ABRAXAS1: variants seen among roughly 807,000 people sequenced by gnomAD.
ABRAXAS1 encodes abraxas 1, BRCA1 A complex subunit, also known as BRCA1-A complex subunit Abraxas 1.
A neutral mutation model predicts 38.4 loss-of-function variants in ABRAXAS1; 26 were observed. The ratio of observed to expected loss-of-function variants is 0.68; its 90% CI spans 0.50 to 0.94. ABRAXAS1 has a LOEUF of 0.94. ABRAXAS1 is among the 40% of genes least tolerant of loss of function. ABRAXAS1 has a pLI of 0.00. For synonymous variants in ABRAXAS1, 144 were observed against 165.5 expected (o/e 0.87, Z 1.00); for missense variants, 438 against 481.9 (o/e 0.91, Z 0.85).
At chr4:83,478,353 TGGCTTTGGCGTG>T (rs1426949467) in intron 2 of ABRAXAS1, 30 of 596,232 alleles carry the variant, frequency 5.0e-5, no homozygotes, top group Middle Eastern at 2.9e-4. Context: ...TTGGCCAAAC[TGGCTTTGGCGTG>T]GACCCTGGAA....
chr4:83,469,316 GTTTTT>G, intron 5 of ABRAXAS1, 165 bp from the exon 6 acceptor site: 3 of 474,162 alleles, frequency 6.3e-6, no homozygotes, highest in Non-Finnish European at 1.1e-5. Context: ...TGAAACAACT[GTTTTT>G]TTTTTTTTTT....
At chr4:83,463,325 C>G (rs1722215935) in intron 8 of ABRAXAS1, among the ~76,000 whole-genome samples, 169 bp downstream of exon 8, 1 of 152,146 alleles carries the variant, frequency 6.6e-6, no homozygotes, top group Non-Finnish European at 1.5e-5. Context: ...CCCAGCGTTT[C>G]AGGAGGCTGA....
At position 83,459,986 on chromosome 4, in the gene ABRAXAS1, T is replaced by C; in HGVS notation, c.*2483A>G. 1 of 479,756 alleles carries C rather than the reference T, an allele frequency of 2.1e-6. No individual in the cohort carries two copies. The highest frequency in any genetic ancestry group is 3.7e-6 in the Non-Finnish European group (1 of 273,554). 29.7% of individuals were successfully genotyped at this position (479,756 alleles called of 1,614,324 possible). On this transcript the variant is annotated 3_prime_UTR_variant, in exon 9 of 9. Coordinates refer to ENST00000321945, the MANE Select transcript of ABRAXAS1 (RefSeq NM_139076.3). The stretch of plus-strand genomic sequence containing the variant: ...AGAGGATTATTATTTTGCTGTCTTA[T>C]GCAGAGTTAACTATATAGAAAAACT...
At chr4:83,481,262 CATAT>C (rs1473109775) in intron 2 of ABRAXAS1, among the ~76,000 whole-genome samples, 1 of 152,248 alleles carries the variant, frequency 6.6e-6, no homozygotes, top group Middle Eastern at 3.4e-3. Flanking sequence ...AATACATACA[CATAT>C]ATAGAGAAAA....
intron 1 of ABRAXAS1, among the ~76,000 whole-genome samples, chr4:83,483,008 G>T (rs1216037647): frequency 6.6e-6 from 1 of 152,192 alleles, no homozygotes. Context: ...GACTACTCTG[G>T]ATTTAACCAC....
intron 3 of ABRAXAS1, 95 bp from the exon 4 acceptor site, chr4:83,472,383 C>G (rs989560844): frequency 4.5e-6 from 3 of 664,822 alleles, no homozygotes; most frequent in Non-Finnish European, 4.8e-6. Context: ...ACCCAACTAC[C>G]AAAGCCCATA....
At position 83,462,882 on chromosome 4, in the gene ABRAXAS1, CTTTTTGGATGTT is replaced by C; in HGVS notation, c.805_816del (p.Asn269_Lys272del). 1 of 1,582,428 alleles carries C rather than the reference CTTTTTGGATGTT, an allele frequency of 6.3e-7. No individual in the cohort carries two copies. Among genetic ancestry groups the C allele is most frequent in the Non-Finnish European group, 8.6e-7 (1 of 1,167,324 alleles). On this transcript the variant is annotated inframe_deletion, in exon 9 of 9. Transcript: ENST00000321945. ...CAAAGAAAAATGTTCTCCTGAGGGT[CTTTTTGGATGTT>C]CTTCTCTCCTAAACAAAATAGAATA... is the stretch of plus-strand genomic sequence containing the variant.
At chr4:83,464,840 G>A (rs1211962370) in intron 7 of ABRAXAS1, among the ~76,000 whole-genome samples, 3 of 152,204 alleles carry the variant, frequency 2.0e-5, no homozygotes, top group African/African-American at 7.2e-5. Context: ...GGATAGCAAT[G>A]TGCAGACACA....
chr4:83,460,866 A>G lies in ABRAXAS1; in HGVS notation c.*1603T>C. 1.1e-6 allele frequency: 1 copy of G among 901,742 alleles called. No homozygotes were observed. The highest frequency in any genetic ancestry group is 1.7e-6 in the Non-Finnish European group (1 of 571,876). The allele number at this position is 901,742 out of a possible 1,614,324, so 55.9% of individuals were successfully genotyped here. A position where few individuals can be genotyped will look rare whatever the true frequency, so the allele number is the denominator to read the frequency against. ...GGTTGCAGTGAGGCGAGAGAGCACCACTGTACTCCAGCCTGGGTGACACAG... is the reference window on the plus strand; with the variant it reads ...GGTTGCAGTGAGGCGAGAGAGCACCGCTGTACTCCAGCCTGGGTGACACAG... On this transcript the variant is annotated 3_prime_UTR_variant, in exon 9 of 9. Coordinates refer to ENST00000321945, the MANE Select transcript of ABRAXAS1 (RefSeq NM_139076.3).
In ABRAXAS1 at chr4:83,484,918, C is replaced by G. The variant is rs1265706989; in HGVS notation, c.87+68G>C. On this transcript the variant is annotated intron_variant, in intron 1 of 8. Coordinates refer to ENST00000321945, the MANE Select transcript of ABRAXAS1 (RefSeq NM_139076.3). ...GAGCGGGCGGGGACCGGAGCAACAG[C>G]GGGGAGGCAGGCCGCGCGCAGGGCT... 1.4e-5 allele frequency: 19 copies of G among 1,365,260 alleles called. 1 individual carries two copies. Among genetic ancestry groups the G allele is most frequent in the Admixed American group, 4.4e-5 (2 of 45,686 alleles). 84.6% of individuals were successfully genotyped at this position (1,365,260 alleles called of 1,614,324 possible).
rs139863124 is a variant in ABRAXAS1, at chr4:83,484,938, A to AG, written c.87+47dup. On this transcript the variant is annotated intron_variant, in intron 1 of 8. Transcript: ENST00000321945. ...AACAGCGGGGAGGCAGGCCGCGCGCAGGGCTCTTCCCAGGCGACGCCGGAC... is the reference window on the plus strand; with the variant it reads ...AACAGCGGGGAGGCAGGCCGCGCGCAGGGGCTCTTCCCAGGCGACGCCGGAC... 0.024 allele frequency: 35,013 copies of AG among 1,475,570 alleles called. 1,933 individuals carry two copies. The highest frequency in any genetic ancestry group is 0.23 in the East Asian group (8,680 of 37,368). 91.4% of individuals were successfully genotyped at this position (1,475,570 alleles called of 1,614,324 possible).
At chr4:83,462,939 T>C (rs1722195465) in intron 8 of ABRAXAS1, 37 bp from the exon 9 acceptor site, 1 of 1,355,640 alleles carries the variant, frequency 7.4e-7, no homozygotes. Context: ...CATATAACAT[T>C]TCTTCTACAA....
chr4:83,470,488 G>A, intron 4 of ABRAXAS1, 92 bp from the exon 5 acceptor site: 2 of 910,022 alleles, frequency 2.2e-6, no homozygotes, highest in South Asian at 2.3e-5. Flanking sequence ...CCTTAAAATG[G>A]CTTTCTTAAT....
At chr4:83,483,946 G>C in intron 1 of ABRAXAS1, 1 of 793,556 alleles carries the variant, frequency 1.3e-6, no homozygotes, top group Non-Finnish European at 1.5e-6. Context: ...TTCTTTATTA[G>C]GTATTACTTT....
In ABRAXAS1 at chr4:83,459,806, T is replaced by C. The variant is rs1184444280; in HGVS notation, c.*2663A>G. 6.4e-7 allele frequency: 1 copy of C among 1,568,212 alleles called. No individual in the cohort carries two copies. Among genetic ancestry groups the C allele is most frequent in the South Asian group, 1.2e-5 (1 of 86,496 alleles). ...TGGAAGGCACATTACAGGTATGTTCTTTTTTATTATGGGAATATAAATGTA... is the reference window on the plus strand; with the variant it reads ...TGGAAGGCACATTACAGGTATGTTCCTTTTTATTATGGGAATATAAATGTA... On this transcript the variant is annotated 3_prime_UTR_variant, in exon 9 of 9. Coordinates refer to ENST00000321945, the MANE Select transcript of ABRAXAS1 (RefSeq NM_139076.3).
At chr4:83,474,744 C>T (rs1329086858) in intron 3 of ABRAXAS1, among the ~76,000 whole-genome samples, 2 of 151,512 alleles carry the variant, frequency 1.3e-5, no homozygotes, top group Non-Finnish European at 2.9e-5. Flanking sequence ...TAAACAGTCT[C>T]AGATCGAGGG....
rs1722073544 is a variant in ABRAXAS1, at chr4:83,460,891, G to A, written c.*1578C>T. On this transcript the variant is annotated 3_prime_UTR_variant, in exon 9 of 9. Coordinates refer to ENST00000321945, the MANE Select transcript of ABRAXAS1 (RefSeq NM_139076.3). ...ACTGTACTCCAGCCTGGGTGACACA[G>A]GGAGACTCCATCTCAAAAAAAAAAA... is the stretch of plus-strand genomic sequence containing the variant. 2.5e-6 allele frequency: 3 copies of A among 1,191,448 alleles called. No homozygotes were observed. The South Asian group carries it at 4.0e-5, about 16-fold the overall frequency. The allele number at this position is 1,191,448 out of a possible 1,614,324, so 73.8% of individuals were successfully genotyped here.
chr4:83,472,198 A>C, intron 4 of ABRAXAS1, 24 bp downstream of exon 4: 1 of 1,429,378 alleles, frequency 7.0e-7, no homozygotes, highest in Non-Finnish European at 9.4e-7. Flanking sequence ...ATACCAAAAA[A>C]AGGGAAGATA....
intron 2 of ABRAXAS1, chr4:83,479,681 G>C (rs1372860846): frequency 2.0e-5 from 3 of 152,226 alleles, no homozygotes; most frequent in Non-Finnish European, 4.4e-5. Flanking sequence ...CAGAAAGAAT[G>C]ATGGGCCGAG....
Sources: gnomAD v4.1 joint callset for allele counts (sites outside exome capture counted in the v4.1 genomes callset) on GRCh38, gnomAD v4.1.1 for gene constraint, MANE v1.5 for transcripts, NCBI Gene and HGNC (gene_info 2026-07-23, HGNC 2026-07-21) for gene names.